Variants in LMBR1 observed in about 807,000 individuals in gnomAD.
LMBR1 encodes limb development membrane protein 1.
LMBR1 carries 52 observed loss-of-function variants against 73.9 expected under a neutral mutation model. That is an observed-to-expected ratio of 0.70 (90% CI 0.56 to 0.89). LMBR1 has a LOEUF of 0.89. Ranked by LOEUF, LMBR1 falls within the 40% of genes least tolerant of loss-of-function variation. The pLI is 0.00. For missense variants in LMBR1, 539 were observed against 579.8 expected (o/e 0.93, Z 0.72); for synonymous variants, 215 against 209.4 (o/e 1.03, Z -0.23).
chr7:156,831,024 A>G (rs185450132), intron 3 of LMBR1, among the ~76,000 whole-genome samples: 14 of 152,336 alleles, frequency 9.2e-5, no homozygotes, highest in African/African-American at 3.4e-4. Context: ...ACAGGAAAAC[A>G]CGGTAAGGAA....
intron 10 of LMBR1, among the ~76,000 whole-genome samples, chr7:156,730,722 G>A (rs1816679020): frequency 6.6e-6 from 1 of 152,164 alleles, no homozygotes; most frequent in South Asian, 2.1e-4. Context: ...CCAATCACGA[G>A]GTCAAGAGTT....
At chr7:156,866,447 T>C (rs1013546608) in intron 1 of LMBR1, among the ~76,000 whole-genome samples, 2 of 151,540 alleles carry the variant, frequency 1.3e-5, no homozygotes, top group African/African-American at 4.9e-5. Flanking sequence ...AGACAGCCAT[T>C]GCTATGCAAA....
intron 4 of LMBR1, among the ~76,000 whole-genome samples, chr7:156,815,310 A>G (rs1472129844): frequency 6.6e-6 from 1 of 152,176 alleles, no homozygotes; most frequent in African/African-American, 2.4e-5. Flanking sequence ...TTCACTAAAA[A>G]AAAAAATTTA....
intron 15 of LMBR1, 110 bp from the exon 16 acceptor site, chr7:156,688,301 T>TCACA: frequency 1.5e-6 from 1 of 682,954 alleles, no homozygotes; most frequent in Non-Finnish European, 2.4e-6. Context: ...CTCACTTCTG[T>TCACA]GACGTGAGAT....
At chr7:156,889,935 T>C (rs914719007) in intron 1 of LMBR1, among the ~76,000 whole-genome samples, 1 of 151,982 alleles carries the variant, frequency 6.6e-6, no homozygotes, top group Admixed American at 6.6e-5. Context: ...GCCTTGGAAG[T>C]CAAGGCTGCA....
intron 1 of LMBR1, among the ~76,000 whole-genome samples, chr7:156,868,798 T>C (rs1171061176): frequency 6.6e-6 from 1 of 152,040 alleles, no homozygotes; most frequent in Non-Finnish European, 1.5e-5. Context: ...AAACCCCATC[T>C]CTACAAAAAA....
chr7:156,806,305 ATTG>A (rs1236482873), intron 4 of LMBR1, among the ~76,000 whole-genome samples: 1 of 152,218 alleles, frequency 6.6e-6, no homozygotes, highest in Non-Finnish European at 1.5e-5. Flanking sequence ...TAGAAATATA[ATTG>A]TTGTATATTG....
chr7:156,831,504 G>C (rs936270911), intron 3 of LMBR1, among the ~76,000 whole-genome samples: 27 of 152,074 alleles, frequency 1.8e-4, no homozygotes, highest in African/African-American at 6.3e-4. Context: ...AGGGAAGAAA[G>C]ATGAGGGAGA....
Position 156,682,019 on chromosome 7 carries a change from A to C in LMBR1, c.*2059T>G, listed in dbSNP as rs918523318. On this transcript the variant is annotated 3_prime_UTR_variant, in exon 17 of 17. Transcript: ENST00000353442. ...TTACGCAGCAGCCCAAGGCTGTAAC[A>C]ATCTATTTGTTCTCAAGGCATATGA... 2.6e-5 allele frequency: 4 copies of C among 152,192 alleles called. No individual in the cohort carries two copies. Among genetic ancestry groups the C allele is most frequent in the African/African-American group, 7.2e-5 (3 of 41,440 alleles). The allele number at this position is 152,192 out of a possible 1,614,324, so 9.4% of individuals were successfully genotyped here. A position where few individuals can be genotyped will look rare whatever the true frequency, so the allele number is the denominator to read the frequency against.
chr7:156,891,839 G>C (rs1364375589), intron 1 of LMBR1, among the ~76,000 whole-genome samples: 1 of 152,172 alleles, frequency 6.6e-6, no homozygotes, highest in Non-Finnish European at 1.5e-5. Context: ...CACCAGCTCA[G>C]ACTTTATATG....
chr7:156,812,807 G>C (rs1286848697), intron 4 of LMBR1, among the ~76,000 whole-genome samples: 1 of 152,114 alleles, frequency 6.6e-6, no homozygotes, highest in African/African-American at 2.4e-5. Flanking sequence ...CTCCTTTCCA[G>C]TACTCTGCCT....
intron 1 of LMBR1, among the ~76,000 whole-genome samples, chr7:156,862,736 T>C (rs985511275): frequency 6.6e-6 from 1 of 152,156 alleles, no homozygotes; most frequent in African/African-American, 2.4e-5. Context: ...CCCTACATAA[T>C]GTGGTTGGGC....
chr7:156,855,205 T>C (rs981316467), intron 1 of LMBR1, among the ~76,000 whole-genome samples: 2 of 152,274 alleles, frequency 1.3e-5, no homozygotes, highest in South Asian at 2.1e-4. Context: ...AGCAAAGACA[T>C]GGAAATGTTA....
In LMBR1 at chr7:156,766,560, C is replaced by T. The variant is rs561454828; in HGVS notation, c.424-2765G>A. Reference sequence around the variant, plus strand: ...ATCTCAGACTTTTCACAGTTCTTGACGGTTTTTGGCAACAAGGATAGGGGA... The same window carrying T: ...ATCTCAGACTTTTCACAGTTCTTGATGGTTTTTGGCAACAAGGATAGGGGA... On this transcript the variant is annotated intron_variant, in intron 5 of 16. Transcript: ENST00000353442. Among the ~76,000 whole-genome samples the T allele has an allele frequency of 2.5e-4, 38 of 152,190 alleles. 1 individual carries two copies. The South Asian group carries it at 5.0e-3, about 20-fold the overall frequency.
intron 4 of LMBR1, among the ~76,000 whole-genome samples, chr7:156,817,834 T>C (rs908179238): frequency 8.5e-5 from 13 of 152,156 alleles, no homozygotes; most frequent in African/African-American, 2.2e-4. Flanking sequence ...AAAATAGGCA[T>C]TGGATCGTAA....
chr7:156,681,153 A>G lies in LMBR1; in HGVS notation c.*2925T>C, dbSNP rs1252699176. The stretch of plus-strand genomic sequence containing the variant: ...AACGTGCTACCAACAAAACTAGCAC[A>G]TAAGAGCCTGTAAATGATGAAAACC... On this transcript the variant is annotated 3_prime_UTR_variant, in exon 17 of 17. Coordinates refer to ENST00000353442, the MANE Select transcript of LMBR1 (RefSeq NM_022458.4). 1 of 453,066 alleles carries G rather than the reference A, an allele frequency of 2.2e-6. No individual in the cohort carries two copies. Among genetic ancestry groups the G allele is most frequent in the South Asian group, 1.6e-5 (1 of 63,954 alleles). The allele number at this position is 453,066 out of a possible 1,614,324, so 28.1% of individuals were successfully genotyped here.
intron 5 of LMBR1, among the ~76,000 whole-genome samples, chr7:156,793,717 T>G (rs1164052890): frequency 2.0e-5 from 3 of 152,210 alleles, no homozygotes; most frequent in Admixed American, 6.5e-5. Flanking sequence ...TACTTATTAG[T>G]CAAATGCATT....
chr7:156,810,214 A>G (rs1235627029), intron 4 of LMBR1, among the ~76,000 whole-genome samples: 1 of 152,176 alleles, frequency 6.6e-6, no homozygotes, highest in Non-Finnish European at 1.5e-5. Flanking sequence ...CAGAGATCAC[A>G]GGAGAAGACA....
intron 1 of LMBR1, among the ~76,000 whole-genome samples, chr7:156,851,992 A>G (rs573489548): frequency 6.6e-6 from 1 of 152,298 alleles, no homozygotes; most frequent in South Asian, 2.1e-4. Context: ...ATATTACAAT[A>G]AAGAAACATT....
Sources: gnomAD v4.1 joint callset for allele counts (sites outside exome capture counted in the v4.1 genomes callset) on GRCh38, gnomAD v4.1.1 for gene constraint, MANE v1.5 for transcripts, NCBI Gene and HGNC (gene_info 2026-07-23, HGNC 2026-07-21) for gene names.